ABCA12: variants seen among roughly 807,000 people sequenced by gnomAD.
The protein encoded by ABCA12 is ATP binding cassette subfamily A member 12.
In ABCA12, 156 loss-of-function variants were observed where a neutral mutation model predicts 293.5. That is an observed-to-expected ratio of 0.53 (90% CI 0.47 to 0.61). The LOEUF (loss-of-function observed/expected upper bound fraction) is 0.61, where lower values mean the gene tolerates loss of function less well. ABCA12 is among the 20% of genes least tolerant of loss of function. The probability of loss-of-function intolerance (pLI) is 0.00; values close to 1 mark genes in which losing one functional copy is unlikely to be tolerated. For missense variants in ABCA12, 2,797 were observed against 3,090.2 expected (o/e 0.91, Z 2.25); for synonymous variants, 1,063 against 1,108.0 (o/e 0.96, Z 0.81).
Position 214,934,230 on chromosome 2 carries a change from G to C in ABCA12, c.7543-15C>G. 6.2e-7 allele frequency: 1 copy of C among 1,613,442 alleles called. No individual in the cohort carries two copies. The highest frequency in any genetic ancestry group is 1.1e-5 in the South Asian group (1 of 91,072). On this transcript the variant is annotated splice_polypyrimidine_tract_variant and intron_variant, in intron 51 of 52. Coordinates refer to ENST00000272895, the MANE Select transcript of ABCA12 (RefSeq NM_173076.3). ...AGGTGCTGATCCTGTGGGAACCAAA[G>C]GAAAAAAGTTTATTTTGCAATGTCT...
chr2:215,082,126 C>A (rs1241396173), intron 2 of ABCA12, among the ~76,000 whole-genome samples: 1 of 141,606 alleles, frequency 7.1e-6, no homozygotes, highest in Non-Finnish European at 1.5e-5. Context: ...CTCACTGCAA[C>A]CTCCACCTCC....
chr2:214,957,076 T>G (rs989167301), intron 41 of ABCA12, among the ~76,000 whole-genome samples: 6 of 152,148 alleles, frequency 3.9e-5, no homozygotes, highest in Non-Finnish European at 8.8e-5. Flanking sequence ...GTGACAGAGG[T>G]TCAGTGAGAA....
At chr2:215,075,644 G>T in intron 2 of ABCA12, 1 of 661,206 alleles carries the variant, frequency 1.5e-6, no homozygotes, top group Non-Finnish European at 2.7e-6. Flanking sequence ...GCATGTTCAA[G>T]TATTAAGCAC....
At chr2:215,127,486 C>T (rs56896970) in intron 1 of ABCA12, among the ~76,000 whole-genome samples, 7,262 of 152,112 alleles carry the variant, frequency 0.048, 571 homozygotes, top group African/African-American at 0.17. Context: ...GTGTTAGGTG[C>T]CTATGTGTTT....
At position 214,974,680 on chromosome 2, in the gene ABCA12, T is replaced by A; in HGVS notation, c.5468+98A>T. ...AGGGATTTCTATCAGGGTACAGCTT[T>A]CTTCCAGGCAAATAACAGACACACA... On this transcript the variant is annotated intron_variant, in intron 35 of 52. Coordinates refer to ENST00000272895, the MANE Select transcript of ABCA12 (RefSeq NM_173076.3). 4.3e-6 allele frequency: 5 copies of A among 1,158,486 alleles called. No individual in the cohort carries two copies. In the South Asian group the frequency reaches 6.2e-5, roughly 14 times the overall value. 71.8% of individuals were successfully genotyped at this position (1,158,486 alleles called of 1,614,324 possible). A position where few individuals can be genotyped will look rare whatever the true frequency, so the allele number is the denominator to read the frequency against.
chr2:214,979,521 A>G (rs1340143116), intron 31 of ABCA12, among the ~76,000 whole-genome samples: 1 of 151,758 alleles, frequency 6.6e-6, no homozygotes, highest in African/African-American at 2.4e-5. Context: ...AATATTTACT[A>G]AAATATTATT....
chr2:214,967,991 G>A (rs948115121), intron 38 of ABCA12, among the ~76,000 whole-genome samples: 4 of 152,134 alleles, frequency 2.6e-5, no homozygotes, highest in Admixed American at 1.3e-4. Context: ...AAATAAGTGA[G>A]CAGAATTATT....
intron 2 of ABCA12, among the ~76,000 whole-genome samples, chr2:215,093,727 T>C (rs1702195350): frequency 1.3e-5 from 2 of 152,218 alleles, no homozygotes; most frequent in South Asian, 4.1e-4. Flanking sequence ...ACCTGATGCA[T>C]ATACTTTTTG....
intron 2 of ABCA12, among the ~76,000 whole-genome samples, chr2:215,070,310 G>C (rs777421982): frequency 6.6e-6 from 1 of 152,044 alleles, no homozygotes; most frequent in Non-Finnish European, 1.5e-5. Context: ...GGCAGGTATT[G>C]TGTGCTTGGC....
In ABCA12 at chr2:215,001,717, CT is replaced by C; in HGVS notation, c.2703del (p.Glu902ArgfsTer16). 1 of 1,613,152 alleles carries C rather than the reference CT, an allele frequency of 6.2e-7. No homozygotes were observed. Among genetic ancestry groups the C allele is most frequent in the Non-Finnish European group, 8.5e-7 (1 of 1,179,630 alleles). On this transcript the variant is annotated frameshift_variant, in exon 21 of 53. Coordinates refer to ENST00000272895, the MANE Select transcript of ABCA12 (RefSeq NM_173076.3). LOFTEE classifies it high-confidence loss of function. ...IDELDILRLK[L>X]ENNIDIIDQL... The stretch of plus-strand genomic sequence containing the variant: ...TGATCGATGATGTCAATGTTGTTCT[CT>C]AATTTCAGTCTTAGAATATCTAAAG...
chr2:215,004,372 C>T lies in ABCA12; in HGVS notation c.2593-73G>A. On this transcript the variant is annotated intron_variant, in intron 19 of 52. Transcript: ENST00000272895. ...TTTGACATTGTCTCTCTAATAACCA[C>T]CACAGTGAAGTGCAGTAACCACAAC... 1.5e-5 allele frequency: 17 copies of T among 1,164,052 alleles called. No individual in the cohort carries two copies. In the South Asian group the frequency reaches 2.2e-4, roughly 15 times the overall value. The allele number at this position is 1,164,052 out of a possible 1,614,324, so 72.1% of individuals were successfully genotyped here.
rs891499740 is a variant in ABCA12 at position 214,931,574 on chromosome 2, T to C, written c.*1060A>G. On this transcript the variant is annotated 3_prime_UTR_variant, in exon 53 of 53. Coordinates refer to ENST00000272895, the MANE Select transcript of ABCA12 (RefSeq NM_173076.3). Reference sequence around the variant, plus strand: ...TTCTAAACTTTGAGTTTATTGGTTTTCGAGACAAACAGTCATGCCAAAGCT... The same window carrying C: ...TTCTAAACTTTGAGTTTATTGGTTTCCGAGACAAACAGTCATGCCAAAGCT... 7.7e-6 allele frequency: 1 copy of C among 129,872 alleles called. No homozygotes were observed. Among genetic ancestry groups the C allele is most frequent in the Non-Finnish European group, 1.8e-5 (1 of 55,004 alleles). The allele number at this position is 129,872 out of a possible 1,614,324, so 8.0% of individuals were successfully genotyped here.
chr2:215,134,958 A>C (rs1703178928), intron 1 of ABCA12, among the ~76,000 whole-genome samples: 1 of 152,000 alleles, frequency 6.6e-6, no homozygotes, highest in Non-Finnish European at 1.5e-5. Flanking sequence ...TACTTTAAAA[A>C]AAAATTATTT....
chr2:214,978,626 T>C (rs1699576630), intron 32 of ABCA12, among the ~76,000 whole-genome samples, 160 bp from the exon 33 acceptor site: 1 of 152,216 alleles, frequency 6.6e-6, no homozygotes, highest in African/African-American at 2.4e-5. Flanking sequence ...ATACGTGCTG[T>C]CTAGCTGGGG....
At chr2:214,938,755 C>A (rs1191928745) in intron 50 of ABCA12, among the ~76,000 whole-genome samples, 1 of 152,204 alleles carries the variant, frequency 6.6e-6, no homozygotes, top group Non-Finnish European at 1.5e-5. Flanking sequence ...GCATAAATGT[C>A]TTCTTTTGAG....
chr2:215,015,597 C>T lies in ABCA12; in HGVS notation c.1849G>A (p.Ala617Thr). 1 of 1,614,030 alleles carries T rather than the reference C, an allele frequency of 6.2e-7. No homozygotes were observed. Residue 617 changes from alanine to threonine, a missense_variant, in exon 15 of 53, where the codon GCA becomes ACA. Coordinates refer to ENST00000272895, the MANE Select transcript of ABCA12 (RefSeq NM_173076.3). ...GACAGGTTGCAGAATTCTTTCATTG[C>T]ATCTTCTAGTTTGGGAGTGGTGATA... ...TNITTPKLED[A>T]MKEFCNLSLS...
At chr2:214,954,139 T>C in intron 43 of ABCA12, 32 bp from the exon 44 acceptor site, 1 of 1,608,776 alleles carries the variant, frequency 6.2e-7, no homozygotes, top group South Asian at 1.1e-5. Flanking sequence ...TAAAACTCAG[T>C]GTTAAGTTTC....
At chr2:215,092,017 C>T (rs186630785) in intron 2 of ABCA12, among the ~76,000 whole-genome samples, 30 of 152,360 alleles carry the variant, frequency 2.0e-4, no homozygotes, top group African/African-American at 6.3e-4. Context: ...TGGCCCAAAG[C>T]TCTCTGACTG....
At chr2:215,105,156 T>C (rs1702438676) in intron 2 of ABCA12, among the ~76,000 whole-genome samples, 3 of 152,162 alleles carry the variant, frequency 2.0e-5, no homozygotes, top group Admixed American at 1.3e-4. Context: ...ATTTCTGCTA[T>C]TAATGTGCTA....
Sources: allele counts gnomAD v4.1 joint callset (sites outside exome capture counted in the v4.1 genomes callset), GRCh38; gene constraint gnomAD v4.1.1; transcripts MANE v1.5; gene names NCBI Gene and HGNC (gene_info 2026-07-23, HGNC 2026-07-21).